The following SLC66A1 variants were observed in gnomAD, a reference collection of about 807,000 sequenced individuals.
SLC66A1 encodes lysosomal amino acid transporter 1 homolog.
SLC66A1 carries 23 observed loss-of-function variants against 33.0 expected under a neutral mutation model. That is an observed-to-expected ratio of 0.70 (90% CI 0.50 to 0.99). The LOEUF is 0.99. Ranked by LOEUF, SLC66A1 falls within the 50% of genes least tolerant of loss-of-function variation. The pLI, the probability that SLC66A1 is intolerant of heterozygous loss-of-function variation, is 0.00. For synonymous variants in SLC66A1, 164 were observed against 175.5 expected (o/e 0.93, Z 0.52); for missense variants, 335 against 383.6 (o/e 0.87, Z 1.06).
In SLC66A1 at chr1:19,317,792, G is replaced by T; in HGVS notation, c.115G>T (p.Val39Leu). ...CAQDGWDEAS[V>L]GLGLISILCF... ...CCAGGACGGCTGGGACGAGGCCAGCGTGGGCCTGGGCTTGATCTCCATTCT... is the reference window on the plus strand; with the variant it reads ...CCAGGACGGCTGGGACGAGGCCAGCTTGGGCCTGGGCTTGATCTCCATTCT... Residue 39 changes from valine (V) to leucine (L), a missense_variant, in exon 2 of 8, where the codon GTG becomes TTG. Val to Leu is a conservative substitution (Grantham distance 32, BLOSUM62 1). Coordinates refer to ENST00000375153, the MANE Select transcript of SLC66A1 (RefSeq NM_001040125.2). The T allele has an allele frequency of 6.2e-7, 1 of 1,614,154 alleles. No homozygotes were observed. The highest frequency in any genetic ancestry group is 1.3e-5 in the African/African-American group (1 of 75,042).
At chr1:19,319,203 G>C (rs924056020) in intron 2 of SLC66A1, among the ~76,000 whole-genome samples, 1 of 152,222 alleles carries the variant, frequency 6.6e-6, no homozygotes, top group Non-Finnish European at 1.5e-5. Context: ...TATAGCCAGA[G>C]TTGTGTAACT....
chr1:19,329,474 C>T (rs986703499), downstream of SLC66A1, among the ~76,000 whole-genome samples: 2 of 152,130 alleles, frequency 1.3e-5, no homozygotes, highest in African/African-American at 4.8e-5. Flanking sequence ...TTCTCCGGGC[C>T]CTTTCCTGAC....
chr1:19,319,605 G>GTTTTTTTTTTTTTTTTTTTTTTTTTTGT (rs569177720), intron 2 of SLC66A1, among the ~76,000 whole-genome samples: 1 of 111,870 alleles, frequency 8.9e-6, no homozygotes, highest in Admixed American at 9.5e-5. Flanking sequence ...GCACATTCAT[G>GTTTTTTTTTTTTTTTTTTTTTTTTTTGT]TTTTTTTTTT....
rs2152018661 is a variant in SLC66A1, at chr1:19,328,868, C to T, written c.*225C>T. On this transcript the variant is annotated 3_prime_UTR_variant, in exon 8 of 8. Coordinates refer to ENST00000375153, the MANE Select transcript of SLC66A1 (RefSeq NM_001040125.2). This position sits in a 1 kb window ranked among gnomAD's most constrained non-coding sequence, Gnocchi z 4.7. Reference sequence around the variant, plus strand: ...CAGGGCCTCTCAGGAGACAGTGAGGCTGCCCCTCCTACCACCTACCTCATT... The same window carrying T: ...CAGGGCCTCTCAGGAGACAGTGAGGTTGCCCCTCCTACCACCTACCTCATT... 1.7e-6 allele frequency: 1 copy of T among 590,746 alleles called. No individual in the cohort carries two copies. The highest frequency in any genetic ancestry group is 2.8e-5 in the East Asian group (1 of 35,430). The allele number at this position is 590,746 out of a possible 1,614,324, so 36.6% of individuals were successfully genotyped here.
Position 19,317,701 on chromosome 1 carries a change from C to T in SLC66A1, c.24C>T (p.Ser8=). 1 of 1,614,158 alleles carries T rather than the reference C, an allele frequency of 6.2e-7. No individual in the cohort carries two copies. Among genetic ancestry groups the T allele is most frequent in the East Asian group, 2.2e-5 (1 of 44,880 alleles). ...CCATGGTCTGGAAGAAACTGGGCTC[C>T]CGCAACTTCTCCAGCTGCCCCAGTG... The part of the protein sequence containing the change: MVWKKLG[S]RNFSSCPSGS... The change falls in exon 2 of 8, where the codon TCC becomes TCT. Residue 8 remains serine, a synonymous_variant. Transcript: ENST00000375153.
At chr1:19,326,196 C>T (rs761744128) in intron 4 of SLC66A1, 49 bp from the exon 5 acceptor site, 26 of 1,558,054 alleles carry the variant, frequency 1.7e-5, no homozygotes, top group Admixed American at 3.5e-5. Context: ...CCCCGACAAC[C>T]GCTGCCACTC....
At chr1:19,332,722 G>C (rs2093895890), downstream of SLC66A1, among the ~76,000 whole-genome samples, 1 of 152,232 alleles carries the variant, frequency 6.6e-6, no homozygotes, top group African/African-American at 2.4e-5. Context: ...GCCTCCACAG[G>C]TGGCTTCCCT....
intron 2 of SLC66A1, among the ~76,000 whole-genome samples, chr1:19,324,094 G>C (rs2093850843): frequency 6.6e-6 from 1 of 152,240 alleles, no homozygotes; most frequent in Non-Finnish European, 1.5e-5. Flanking sequence ...GGAGCTCCAG[G>C]CGCCTCAGCC....
downstream of SLC66A1, among the ~76,000 whole-genome samples, chr1:19,333,176 C>T (rs923974588): frequency 6.6e-6 from 1 of 152,184 alleles, no homozygotes; most frequent in Non-Finnish European, 1.5e-5. This position sits in a 1 kb window ranked among gnomAD's most constrained non-coding sequence, Gnocchi z 4.2. Flanking sequence ...CCCTGGCTCT[C>T]TCAGCCCCAA....
At chr1:19,314,276 C>T (rs2093793786) in intron 1 of SLC66A1, among the ~76,000 whole-genome samples, 1 of 152,206 alleles carries the variant, frequency 6.6e-6, no homozygotes, top group Admixed American at 6.5e-5. Context: ...ACCCAGTATC[C>T]TGGATCCATA....
chr1:19,329,528 C>T (rs2093886703), downstream of SLC66A1, among the ~76,000 whole-genome samples: 1 of 152,162 alleles, frequency 6.6e-6, no homozygotes, highest in Non-Finnish European at 1.5e-5. Flanking sequence ...GAGAGTGACT[C>T]CCCACGGGGA....
rs1162608880 is a variant in SLC66A1, at chr1:19,325,644, G to T, written c.382+62G>T. 4 of 1,298,462 alleles carry T rather than the reference G, an allele frequency of 3.1e-6. 1 individual carries two copies. Among genetic ancestry groups the T allele is most frequent in the East Asian group, 2.4e-5 (1 of 42,254 alleles). The allele number at this position is 1,298,462 out of a possible 1,614,324, so 80.4% of individuals were successfully genotyped here. On this transcript the variant is annotated intron_variant, in intron 4 of 7. Coordinates refer to ENST00000375153, the MANE Select transcript of SLC66A1 (RefSeq NM_001040125.2). ...CAGCAGCAGGGGGCAGTTGTGGGGG[G>T]GGGCGCCTGGAGTGTGGGAGGAAGC...
chr1:19,333,933 CAA>C (rs1007060951), downstream of SLC66A1, among the ~76,000 whole-genome samples: 144 of 89,464 alleles, frequency 1.6e-3, no homozygotes, highest in African/African-American at 3.1e-3. The surrounding 1 kb of genome is among the most constrained non-coding windows in gnomAD (Gnocchi z 4.2). Flanking sequence ...CAAAACAAAA[CAA>C]AACACAGGAA....
chr1:19,314,861 T>A (rs185714200), intron 1 of SLC66A1, among the ~76,000 whole-genome samples: 2 of 152,140 alleles, frequency 1.3e-5, no homozygotes, highest in East Asian at 3.9e-4. Context: ...GCCTTTGGCC[T>A]TGCAAACGTG....
In SLC66A1 at chr1:19,316,071, G is replaced by A. The variant is rs572773939; in HGVS notation, c.-78-1529G>A. On this transcript the variant is annotated intron_variant, in intron 1 of 7. Transcript: ENST00000375153. ...TTCCCTCCCTCCTCTAAGGTGTCAC[G>A]CAGGCAATGACTGCTCTACTCACTG... Among the ~76,000 whole-genome samples the A allele has an allele frequency of 3.7e-4, 57 of 152,304 alleles. No homozygotes were observed. In the South Asian group the frequency reaches 0.011, roughly 28 times the overall value.
rs537390328 is a variant in SLC66A1, at chr1:19,320,574, T to C, written c.164+2733T>C. ...GACTACAGGCACCTGCCACCACGCC[T>C]GGCTAATTTTTTGTATTTTTTTAGT... On this transcript the variant is annotated intron_variant, in intron 2 of 7. Coordinates refer to ENST00000375153, the MANE Select transcript of SLC66A1 (RefSeq NM_001040125.2). Among the ~76,000 whole-genome samples, 1,185 of 144,670 alleles carry C rather than the reference T, an allele frequency of 8.2e-3. 10 individuals are homozygous for C. The highest frequency in any genetic ancestry group is 0.028 in the African/African-American group (1,107 of 39,214). 94.9% of individuals were successfully genotyped at this position (144,670 alleles called of 152,430 possible).
In SLC66A1 at chr1:19,319,605, G is replaced by GTTTTTTTTTTTTTTTTTTTTTTTTTTTTT. The variant is rs569177720; in HGVS notation, c.164+1780_164+1781insTTTTTTTTTTTTTTTTTTTTTTTTTTTTT. Among the ~76,000 whole-genome samples, 21 of 111,854 alleles carry GTTTTTTTTTTTTTTTTTTTTTTTTTTTTT rather than the reference G, an allele frequency of 1.9e-4. 4 individuals are homozygous for GTTTTTTTTTTTTTTTTTTTTTTTTTTTTT. The highest frequency in any genetic ancestry group is 7.2e-4 in the African/African-American group (18 of 24,834). The allele number at this position is 111,854 out of a possible 152,430, so 73.4% of individuals were successfully genotyped here. A position where few individuals can be genotyped will look rare whatever the true frequency, so the allele number is the denominator to read the frequency against. ...GATTAATGTTGCTGTGCACATTCAT[G>GTTTTTTTTTTTTTTTTTTTTTTTTTTTTT]TTTTTTTTTTTTTTTTGCCTGGTGC... On this transcript the variant is annotated intron_variant, in intron 2 of 7. Transcript: ENST00000375153.
intron 2 of SLC66A1, among the ~76,000 whole-genome samples, chr1:19,321,877 G>A (rs767916190): frequency 9.2e-5 from 14 of 152,122 alleles, no homozygotes; most frequent in Non-Finnish European, 1.8e-4. Context: ...ATATCCACTT[G>A]TCCCAGCGCC....
intron 4 of SLC66A1, among the ~76,000 whole-genome samples, chr1:19,325,788 C>G (rs2093862615): frequency 6.6e-6 from 1 of 152,208 alleles, no homozygotes; most frequent in Non-Finnish European, 1.5e-5. Context: ...GCGTCCTGGC[C>G]CAGACCACAG....
Sources: gnomAD v4.1 joint callset for allele counts (sites outside exome capture counted in the v4.1 genomes callset) on GRCh38, gnomAD v4.1.1 for gene constraint, Gnocchi (gnomAD v3.1) non-coding constraint, MANE v1.5 for transcripts, NCBI Gene and HGNC (gene_info 2026-07-23, HGNC 2026-07-21) for gene names.